Variants in NAA16 observed in about 807,000 individuals in gnomAD.
NAA16 encodes the protein NARG1-like protein.
NAA16 carries 97 observed loss-of-function variants against 110.3 expected under a neutral mutation model. That is an observed-to-expected ratio of 0.88 (90% CI 0.75 to 1.04). The LOEUF is 1.04. NAA16 is among the 50% of genes least tolerant of loss of function. NAA16 has a pLI of 0.00. For missense variants in NAA16, 1,017 were observed against 1,005.1 expected, an observed-to-expected ratio of 1.01 and a Z score of -0.16; for synonymous variants, 372 against 330.6, an observed-to-expected ratio of 1.13 and a Z score of -1.36.
intron 15 of NAA16, 104 bp from the exon 16 acceptor site, chr13:41,372,099 A>G (rs552269795): frequency 1.0e-6 from 1 of 959,146 alleles, no homozygotes; most frequent in South Asian, 4.0e-5. Context: ...TTTTATAAAG[A>G]AAGCTGTCTA....
chr13:41,351,541 G>A (rs1344789961), intron 9 of NAA16, among the ~76,000 whole-genome samples: 1 of 152,190 alleles, frequency 6.6e-6, no homozygotes, highest in African/African-American at 2.4e-5. Context: ...CGGTTATGAT[G>A]TTGTGGGACT....
intron 1 of NAA16, among the ~76,000 whole-genome samples, chr13:41,312,134 T>C (rs1241261211): frequency 6.6e-6 from 1 of 152,234 alleles, no homozygotes; most frequent in East Asian, 1.9e-4. Context: ...ACCACCTCCC[T>C]TTGGGAAAAA....
intron 10 of NAA16, among the ~76,000 whole-genome samples, chr13:41,356,192 G>GT (rs1188904798): frequency 6.6e-6 from 1 of 152,056 alleles, no homozygotes; most frequent in African/African-American, 2.4e-5. Context: ...CACACGCGGG[G>GT]GTTTGGGGGA....
In NAA16 at chr13:41,362,091, T is replaced by G; in HGVS notation, c.1471T>G (p.Cys491Gly). 1 of 1,610,420 alleles carries G rather than the reference T, an allele frequency of 6.2e-7. No homozygotes were observed. The part of the protein sequence containing the change: ...EMQCMWFQTE[C>G]ISAYQRLGRY... ...GCAGTGTATGTGGTTTCAGACAGAA[T>G]GCATTTCAGCTTATCAGCGTCTGGG... Residue 491 changes from cysteine to glycine, a missense_variant, in exon 13 of 20, where the codon TGC (cysteine) becomes GGC (glycine). Coordinates refer to ENST00000379406, the MANE Select transcript of NAA16 (RefSeq NM_024561.5).
intron 9 of NAA16, among the ~76,000 whole-genome samples, chr13:41,347,725 C>T (rs1445042564): frequency 6.6e-6 from 1 of 152,056 alleles, no homozygotes; most frequent in African/African-American, 2.4e-5. Context: ...CTTGTTTATT[C>T]GTTGCTATAG....
rs929469783 is a variant in NAA16 at position 41,372,950 on chromosome 13, T to G, written c.2155+120T>G. On this transcript the variant is annotated intron_variant, in intron 17 of 19. Coordinates refer to ENST00000379406, the MANE Select transcript of NAA16 (RefSeq NM_024561.5). Reference sequence around the variant, plus strand: ...CCTCTCTTTGTGAAGTAAAAAGCCCTGATTTGTATTTTCATGATACAAATC... The same window carrying G: ...CCTCTCTTTGTGAAGTAAAAAGCCCGGATTTGTATTTTCATGATACAAATC... The G allele has an allele frequency of 2.5e-6, 3 of 1,185,742 alleles. No individual in the cohort carries two copies. The African/African-American group carries it at 4.7e-5, about 19-fold the overall frequency. The allele number at this position is 1,185,742 out of a possible 1,614,324, so 73.5% of individuals were successfully genotyped here.
In NAA16 at chr13:41,372,749, C is replaced by T. The variant is rs562641523; in HGVS notation, c.2074C>T (p.Leu692=). Residue 692 remains leucine, a synonymous_variant, in exon 17 of 20, where the codon CTG becomes TTG. Transcript: ENST00000379406. ...TGACACAGGAAAGTTTCTGTTAATG[C>T]TGCAGTCTGTCAAACGAGCTTTTGC... is the stretch of plus-strand genomic sequence containing the variant. The part of the protein sequence containing the change: ...YFRKGKFLLM[L]QSVKRAFAIN... 1.9e-6 allele frequency: 3 copies of T among 1,599,880 alleles called. No homozygotes were observed. Among genetic ancestry groups the T allele is most frequent in the African/African-American group, 2.7e-5 (2 of 74,624 alleles).
intron 15 of NAA16, 137 bp downstream of exon 15, chr13:41,369,420 A>G: frequency 1.1e-6 from 1 of 908,252 alleles, no homozygotes; most frequent in South Asian, 2.4e-5. Context: ...GCCGTCAATT[A>G]TCTTTGAGTG....
At chr13:41,315,633 T>C (rs1268161840) in intron 1 of NAA16, among the ~76,000 whole-genome samples, 1 of 152,160 alleles carries the variant, frequency 6.6e-6, no homozygotes, top group African/African-American at 2.4e-5. Context: ...TACAGACATA[T>C]CATAGCTGCT....
Position 41,326,191 on chromosome 13 carries a change from A to G in NAA16, c.691+340A>G, listed in dbSNP as rs536925119. Among the ~76,000 whole-genome samples, 7 of 152,264 alleles carry G rather than the reference A, an allele frequency of 4.6e-5. No homozygotes were observed. The South Asian group carries it at 1.4e-3, about 32-fold the overall frequency. On this transcript the variant is annotated intron_variant, in intron 6 of 19. Transcript: ENST00000379406. The stretch of plus-strand genomic sequence containing the variant: ...ATCTCTGTATATCCATATATAGTTA[A>G]TTAAATACAGTGAGAACCATAACTG...
chr13:41,361,054 T>G (rs2043102482), intron 12 of NAA16, among the ~76,000 whole-genome samples: 1 of 152,170 alleles, frequency 6.6e-6, no homozygotes, highest in Non-Finnish European at 1.5e-5. Flanking sequence ...CTGAAATCAT[T>G]TATATAAGTG....
At position 41,372,746 on chromosome 13, in the gene NAA16, A is replaced by G; in HGVS notation, c.2071A>G (p.Met691Val). 1 of 1,600,572 alleles carries G rather than the reference A, an allele frequency of 6.2e-7. No homozygotes were observed. Among genetic ancestry groups the G allele is most frequent in the Non-Finnish European group, 8.5e-7 (1 of 1,172,122 alleles). Reference sequence around the variant, plus strand: ...TTCTGACACAGGAAAGTTTCTGTTAATGCTGCAGTCTGTCAAACGAGCTTT... The same window carrying G: ...TTCTGACACAGGAAAGTTTCTGTTAGTGCTGCAGTCTGTCAAACGAGCTTT... ...IYFRKGKFLL[M>V]LQSVKRAFAI... The change falls in exon 17 of 20, where the codon ATG becomes GTG. Residue 691 changes from methionine (M) to valine (V), a missense_variant. Transcript: ENST00000379406.
chr13:41,354,601 G>A (rs2042930911), intron 9 of NAA16: 1 of 152,178 alleles, frequency 6.6e-6, no homozygotes, highest in African/African-American at 2.4e-5. Context: ...TCCTTTCACA[G>A]GCGCCATGCC....
chr13:41,348,285 G>A (rs1033710589), intron 9 of NAA16, among the ~76,000 whole-genome samples: 3 of 151,652 alleles, frequency 2.0e-5, no homozygotes, highest in South Asian at 2.1e-4. Flanking sequence ...CTCCTGCCTC[G>A]GTCTCCCAAG....
chr13:41,332,530 A>G (rs1026846799), intron 8 of NAA16, among the ~76,000 whole-genome samples: 2 of 152,178 alleles, frequency 1.3e-5, no homozygotes, highest in Non-Finnish European at 2.9e-5. Context: ...TCAGGTAGCT[A>G]ATATCTTTGT....
At chr13:41,362,296 A>G (rs1315454783) in intron 13 of NAA16, 137 bp downstream of exon 13, 2 of 825,794 alleles carry the variant, frequency 2.4e-6, no homozygotes, top group Non-Finnish European at 3.6e-6. Context: ...TTTAACCTTT[A>G]CATTCAGAAG....
intron 18 of NAA16, 176 bp from the exon 19 acceptor site, chr13:41,374,566 C>T: frequency 2.0e-6 from 1 of 503,396 alleles, no homozygotes; most frequent in Non-Finnish European, 3.5e-6. Context: ...TGGGATGCTA[C>T]TGAATAGGAG....
chr13:41,362,257 G>T, intron 13 of NAA16, 98 bp downstream of exon 13: 4 of 1,321,390 alleles, frequency 3.0e-6, no homozygotes, highest in Non-Finnish European at 4.1e-6. Flanking sequence ...ACTTCTCTGG[G>T]AGCTTCATTG....
In NAA16 at chr13:41,368,761, A is replaced by T. The variant is rs1292058518; in HGVS notation, c.1754-329A>T. On this transcript the variant is annotated intron_variant, in intron 14 of 19. Coordinates refer to ENST00000379406, the MANE Select transcript of NAA16 (RefSeq NM_024561.5). ...AATGCAGTGTAACAACTATTTACAT[A>T]GCATTTACATTATTTTAGGCATACC... Among the ~76,000 whole-genome samples the T allele has an allele frequency of 2.0e-5, 3 of 152,234 alleles. No individual in the cohort carries two copies. The East Asian group carries it at 5.8e-4, about 29-fold the overall frequency.
Sources: gnomAD v4.1 joint callset for allele counts (sites outside exome capture counted in the v4.1 genomes callset) on GRCh38, gnomAD v4.1.1 for gene constraint, MANE v1.5 for transcripts, NCBI Gene and HGNC (gene_info 2026-07-23, HGNC 2026-07-21) for gene names.